Variants in PARD3B observed in about 807,000 individuals in gnomAD.
The protein encoded by PARD3B is partitioning defective 3 homolog B.
PARD3B carries 103 observed loss-of-function variants against 130.2 expected under a neutral mutation model. That is an observed-to-expected ratio of 0.79 (90% CI 0.67 to 0.93). The LOEUF (loss-of-function observed/expected upper bound fraction) is 0.93, where lower values mean the gene tolerates loss of function less well. Ranked by LOEUF, PARD3B falls within the 40% of genes least tolerant of loss-of-function variation. The probability of loss-of-function intolerance (pLI) is 0.00; values close to 1 mark genes in which losing one functional copy is unlikely to be tolerated. For missense variants in PARD3B, 1,609 were observed against 1,499.2 expected (o/e 1.07, Z -1.21); for synonymous variants, 583 against 553.2 (o/e 1.05, Z -0.76).
chr2:205,311,409 A>G (rs1172627124), intron 18 of PARD3B, among the ~76,000 whole-genome samples: 1 of 152,232 alleles, frequency 6.6e-6, no homozygotes, highest in African/African-American at 2.4e-5. Context: ...CATTTCCCTG[A>G]TGATTCGTGA....
At chr2:204,684,266 T>A (rs1014133038) in intron 1 of PARD3B, among the ~76,000 whole-genome samples, 1 of 152,146 alleles carries the variant, frequency 6.6e-6, no homozygotes, top group Non-Finnish European at 1.5e-5. Flanking sequence ...TGCTTTTAAG[T>A]ACAAATATAC....
intron 16 of PARD3B, among the ~76,000 whole-genome samples, chr2:205,272,215 C>G (rs558092870): frequency 2.7e-5 from 4 of 150,596 alleles, no homozygotes; most frequent in Non-Finnish European, 5.9e-5. Context: ...TGGGTGATAA[C>G]AAGATTGATA....
intron 10 of PARD3B, among the ~76,000 whole-genome samples, chr2:205,157,912 C>T (rs2034278050): frequency 6.6e-6 from 1 of 152,160 alleles, no homozygotes; most frequent in Admixed American, 6.5e-5. Context: ...TGATTAACCA[C>T]ATACTTCTCC....
In PARD3B at chr2:204,991,019, CTT is replaced by C. The variant is rs1693626520; in HGVS notation, c.394+25697_394+25698del. Among the ~76,000 whole-genome samples the C allele has an allele frequency of 2.0e-5, 3 of 151,746 alleles. No individual in the cohort carries two copies. The South Asian group carries it at 6.3e-4, about 32-fold the overall frequency. On this transcript the variant is annotated intron_variant, in intron 3 of 22. Transcript: ENST00000406610. Reference sequence around the variant, plus strand: ...TTATAATTCTGTGAAATTCAAATGTCTTAGTATTTCTGTGTCTGCTTCTGGAT... The same window carrying C: ...TTATAATTCTGTGAAATTCAAATGTCAGTATTTCTGTGTCTGCTTCTGGAT...
chr2:205,074,563 C>G (rs1450680277), intron 4 of PARD3B, among the ~76,000 whole-genome samples: 2 of 152,122 alleles, frequency 1.3e-5, no homozygotes, highest in East Asian at 1.9e-4. Flanking sequence ...CTATGTCATT[C>G]TTAGTGAAAA....
intron 20 of PARD3B, among the ~76,000 whole-genome samples, chr2:205,468,353 C>G (rs773499498): frequency 3.9e-5 from 6 of 152,236 alleles, no homozygotes; most frequent in South Asian, 4.1e-4. Flanking sequence ...CAGTGCCTTA[C>G]AGCAGAGCCT....
intron 3 of PARD3B, among the ~76,000 whole-genome samples, chr2:204,981,349 G>A (rs1692652187): frequency 6.6e-6 from 1 of 151,988 alleles, no homozygotes; most frequent in Non-Finnish European, 1.5e-5. Context: ...AATAAACTGT[G>A]GTGTATGCAT....
At chr2:205,279,897 G>A (rs2041123029) in intron 16 of PARD3B, among the ~76,000 whole-genome samples, 1 of 152,124 alleles carries the variant, frequency 6.6e-6, no homozygotes, top group African/African-American at 2.4e-5. Context: ...ATTACTCCCA[G>A]CAGGGAGCCT....
At chr2:204,616,522 C>A (rs1044611713) in intron 1 of PARD3B, among the ~76,000 whole-genome samples, 1 of 152,094 alleles carries the variant, frequency 6.6e-6, no homozygotes, top group Non-Finnish European at 1.5e-5. Context: ...CTGGTGGGAA[C>A]GCAAAATGAA....
At chr2:205,060,643 A>G (rs931559928) in intron 4 of PARD3B, among the ~76,000 whole-genome samples, 4 of 152,114 alleles carry the variant, frequency 2.6e-5, no homozygotes, top group Admixed American at 2.6e-4. Context: ...CATTTAGCAG[A>G]CTGTGGGTGC....
chr2:205,161,799 C>T (rs1454722788), intron 11 of PARD3B, among the ~76,000 whole-genome samples: 1 of 152,194 alleles, frequency 6.6e-6, no homozygotes, highest in Non-Finnish European at 1.5e-5. Context: ...TCTTTTTCTC[C>T]TCGCCCTTCA....
At position 204,829,998 on chromosome 2, in the gene PARD3B, C is replaced by CAAA. The variant is rs745415671; in HGVS notation, c.223-135130_223-135128dup. On this transcript the variant is annotated intron_variant, in intron 2 of 22. Coordinates refer to ENST00000406610, the MANE Select transcript of PARD3B (RefSeq NM_001302769.2). The stretch of plus-strand genomic sequence containing the variant: ...TGGGCGACAGAGCGAGACTCCGTCT[C>CAAA]AAAAAAAAAAAAAAAAAAAAAAAAA... Among the ~76,000 whole-genome samples, 66 of 47,686 alleles carry CAAA rather than the reference C, an allele frequency of 1.4e-3. 2 individuals carry two copies. Among genetic ancestry groups the CAAA allele is most frequent in the East Asian group, 8.7e-3 (12 of 1,384 alleles). The allele number at this position is 47,686 out of a possible 152,430, so 31.3% of individuals were successfully genotyped here. A position where few individuals can be genotyped will look rare whatever the true frequency, so the allele number is the denominator to read the frequency against.
At chr2:204,817,623 G>T (rs1301687752) in intron 2 of PARD3B, among the ~76,000 whole-genome samples, 2 of 152,090 alleles carry the variant, frequency 1.3e-5, no homozygotes, top group Non-Finnish European at 2.9e-5. Flanking sequence ...AGCTGCAGGG[G>T]ACCCTCTGCA....
rs1701206004 is a variant in PARD3B, at chr2:205,078,454, T to G, written c.505-25972T>G. The stretch of plus-strand genomic sequence containing the variant: ...TTTTTTTCCTGAGTAATTCTGTCTC[T>G]TAATGAATGCTACTTAATCCATTAG... On this transcript the variant is annotated intron_variant, in intron 4 of 22. Coordinates refer to ENST00000406610, the MANE Select transcript of PARD3B (RefSeq NM_001302769.2). The surrounding 1 kb of genome is among the most constrained non-coding windows in gnomAD (Gnocchi z 4.0). 6.6e-6 allele frequency among the ~76,000 whole-genome samples: 1 copy of G among 152,220 alleles called. No individual in the cohort carries two copies. The highest frequency in any genetic ancestry group is 1.5e-5 in the Non-Finnish European group (1 of 68,030).
intron 22 of PARD3B, among the ~76,000 whole-genome samples, chr2:205,613,534 G>A (rs17626309): frequency 0.067 from 10,203 of 152,264 alleles, 384 homozygotes; most frequent in African/African-American, 0.079. Context: ...TATTTCCCAT[G>A]GCTAGAGTGA....
At chr2:205,605,643 G>A (rs989649800) in intron 22 of PARD3B, among the ~76,000 whole-genome samples, 3 of 152,070 alleles carry the variant, frequency 2.0e-5, no homozygotes, top group Non-Finnish European at 4.4e-5. Flanking sequence ...CTGTCCCAGA[G>A]GGGCATCGAC....
intron 2 of PARD3B, among the ~76,000 whole-genome samples, chr2:204,750,387 C>G (rs577235257): frequency 8.3e-4 from 127 of 152,254 alleles, no homozygotes; most frequent in South Asian, 8.3e-3. Flanking sequence ...AGTTCAAGAC[C>G]AGCCTGGGCA....
At chr2:205,614,128 A>G (rs1476640712) in intron 22 of PARD3B, among the ~76,000 whole-genome samples, 1 of 152,150 alleles carries the variant, frequency 6.6e-6, no homozygotes, top group African/African-American at 2.4e-5. Flanking sequence ...TGCAAACAGA[A>G]CTCATCTGTT....
chr2:204,998,406 GTATATATA>G (rs1318989669), intron 3 of PARD3B, among the ~76,000 whole-genome samples: 1 of 55,506 alleles, frequency 1.8e-5, no homozygotes, highest in African/African-American at 7.8e-5. Context: ...GTATATATGT[GTATATATA>G]TGTATATATG....
Sources: gnomAD v4.1 joint callset for allele counts (sites outside exome capture counted in the v4.1 genomes callset) on GRCh38, gnomAD v4.1.1 for gene constraint, Gnocchi (gnomAD v3.1) non-coding constraint, MANE v1.5 for transcripts, NCBI Gene and HGNC (gene_info 2026-07-23, HGNC 2026-07-21) for gene names.